Variants in NGEF observed in about 807,000 individuals in gnomAD.
The protein encoded by NGEF is ephexin-1.
In NGEF, 31 loss-of-function variants were observed where a neutral mutation model predicts 80.9. The ratio of observed to expected loss-of-function variants is 0.38; its 90% CI spans 0.29 to 0.52. The LOEUF is 0.52. Among genes scored for constraint, NGEF ranks in the 20% least tolerant of loss-of-function variants. NGEF has a pLI of 0.84. For synonymous variants in NGEF, 371 were observed against 370.2 expected (o/e 1.00, Z -0.03); for missense variants, 709 against 926.2 (o/e 0.77, Z 3.04).
At position 232,884,005 on chromosome 2, in the gene NGEF, A is replaced by G; in HGVS notation, c.1577T>C (p.Leu526Pro). 1 of 1,611,184 alleles carries G rather than the reference A, an allele frequency of 6.2e-7. No homozygotes were observed. The highest frequency in any genetic ancestry group is 8.5e-7 in the Non-Finnish European group (1 of 1,178,964). ...CCCTGGAATCTGCCGGCAGATCACCAGCAGGTCGTTGAACAGGAAGAGGTA... is the reference window on the plus strand; with the variant it reads ...CCCTGGAATCTGCCGGCAGATCACCGGCAGGTCGTTGAACAGGAAGAGGTA... ...EIYLFLFNDL[L>P]VICRQIPGDK... Residue 526 changes from leucine to proline, a missense_variant, in exon 11 of 15, where the codon CTG becomes CCG. Around this residue, in one of 2 missense-constraint regions of NGEF, gnomAD observed 426 missense variants for 622.9 expected, o/e 0.68. Coordinates refer to ENST00000264051, the MANE Select transcript of NGEF (RefSeq NM_019850.3).
chr2:232,926,630 C>T (rs1002114887), intron 4 of NGEF, among the ~76,000 whole-genome samples: 1 of 152,164 alleles, frequency 6.6e-6, no homozygotes, highest in Non-Finnish European at 1.5e-5. Flanking sequence ...CACGCCTCCT[C>T]CTCTAGCCCA....
chr2:232,967,445 G>A (rs181575656), intron 3 of NGEF, among the ~76,000 whole-genome samples: 5 of 152,004 alleles, frequency 3.3e-5, no homozygotes, highest in East Asian at 1.9e-4. Context: ...AGCAATTCTC[G>A]TGCCTCAGCC....
chr2:232,916,063 G>A (rs1559207276), intron 5 of NGEF, among the ~76,000 whole-genome samples: 1 of 152,092 alleles, frequency 6.6e-6, no homozygotes, highest in Non-Finnish European at 1.5e-5. Flanking sequence ...TGTACCTCTT[G>A]GGAACAGCCT....
intron 5 of NGEF, among the ~76,000 whole-genome samples, chr2:232,900,977 C>T (rs1354952640): frequency 6.6e-6 from 1 of 152,196 alleles, no homozygotes; most frequent in African/African-American, 2.4e-5. Context: ...GGAGTTAGGG[C>T]CGCCTACACC....
intron 3 of NGEF, among the ~76,000 whole-genome samples, chr2:232,929,581 G>A (rs768988483): frequency 5.9e-5 from 9 of 152,204 alleles, no homozygotes; most frequent in African/African-American, 1.4e-4. Context: ...TAAGGCCTGA[G>A]AATATTCGAG....
At chr2:232,902,123 C>T (rs534862592) in intron 5 of NGEF, among the ~76,000 whole-genome samples, 12 of 152,340 alleles carry the variant, frequency 7.9e-5, no homozygotes, top group African/African-American at 2.4e-4. Flanking sequence ...TTGCTGCAGC[C>T]GCCCTGGGGT....
Position 232,920,225 on chromosome 2 carries a change from A to T in NGEF, c.828+59T>A. ...ACCCCCCAGAGGAAGCCTCACCCCC[A>T]GCAGTGAGGGCCACCCCGGTGTGCT... is the stretch of plus-strand genomic sequence containing the variant. On this transcript the variant is annotated intron_variant, in intron 5 of 14. Transcript: ENST00000264051. 4 of 1,532,064 alleles carry T rather than the reference A, an allele frequency of 2.6e-6. No individual in the cohort carries two copies. The South Asian group carries it at 4.9e-5, about 19-fold the overall frequency. The allele number at this position is 1,532,064 out of a possible 1,614,324, so 94.9% of individuals were successfully genotyped here. A position where few individuals can be genotyped will look rare whatever the true frequency, so the allele number is the denominator to read the frequency against.
At chr2:232,933,301 A>G (rs894645602) in intron 3 of NGEF, among the ~76,000 whole-genome samples, 2 of 151,848 alleles carry the variant, frequency 1.3e-5, no homozygotes, top group Non-Finnish European at 2.9e-5. Flanking sequence ...ATTCAGCATA[A>G]CTGACAGTGC....
Position 232,927,090 on chromosome 2 carries a change from G to C in NGEF, c.480C>G (p.Ile160Met), listed in dbSNP as rs200707014. The change falls in exon 4 of 15, where the codon ATC (isoleucine) becomes ATG (methionine). Residue 160 changes from isoleucine to methionine, a missense_variant. Physicochemically the swap from Ile to Met is conservative, Grantham distance 10 (BLOSUM62 1). Around this residue, in one of 2 missense-constraint regions of NGEF, gnomAD observed 283 missense variants for 303.4 expected, o/e 0.93. Coordinates refer to ENST00000264051, the MANE Select transcript of NGEF (RefSeq NM_019850.3). ...PTTLTEALRM[I>M]HPIPADSWRN... ...TCCAGGAGTCGGCGGGAATGGGGTG[G>C]ATCATCCGCAGGGCCTCGGTGAGCG... 4 of 1,613,916 alleles carry C rather than the reference G, an allele frequency of 2.5e-6. No individual in the cohort carries two copies. Among genetic ancestry groups the C allele is most frequent in the Non-Finnish European group, 3.4e-6 (4 of 1,179,992 alleles).
intron 5 of NGEF, among the ~76,000 whole-genome samples, chr2:232,908,930 T>TA (rs1692635653): frequency 6.6e-6 from 1 of 152,224 alleles, no homozygotes; most frequent in African/African-American, 2.4e-5. Context: ...ATGTTTATCT[T>TA]ACAACCAGCC....
intron 3 of NGEF, among the ~76,000 whole-genome samples, chr2:232,936,633 C>T (rs943452212): frequency 2.0e-5 from 3 of 152,148 alleles, no homozygotes; most frequent in Non-Finnish European, 4.4e-5. Context: ...GTTGATGGTG[C>T]GCCACGCATG....
intron 3 of NGEF, among the ~76,000 whole-genome samples, chr2:232,966,128 C>T (rs556260949): frequency 1.3e-5 from 2 of 152,272 alleles, no homozygotes; most frequent in Admixed American, 1.3e-4. Flanking sequence ...AGGTGCAGAC[C>T]CTGCCACAGC....
At chr2:232,898,909 TGTG>T (rs1415628312) in intron 5 of NGEF, among the ~76,000 whole-genome samples, 1 of 152,040 alleles carries the variant, frequency 6.6e-6, no homozygotes, top group Non-Finnish European at 1.5e-5. Context: ...TGTGGGAAAT[TGTG>T]GGTGAATGTG....
chr2:232,879,754 AG>A, intron 14 of NGEF, 75 bp from the exon 15 acceptor site: 1 of 1,442,128 alleles, frequency 6.9e-7, no homozygotes, highest in Non-Finnish European at 9.5e-7. Context: ...CCTCCTGGCC[AG>A]GGCCCCCATC....
chr2:232,951,659 A>T (rs534591772), intron 3 of NGEF, among the ~76,000 whole-genome samples: 2 of 152,160 alleles, frequency 1.3e-5, no homozygotes, highest in South Asian at 4.1e-4. Flanking sequence ...GCTTGGCTGC[A>T]CCTAGGAACC....
At chr2:232,898,640 C>A (rs1287355242) in intron 5 of NGEF, among the ~76,000 whole-genome samples, 5 of 152,218 alleles carry the variant, frequency 3.3e-5, no homozygotes, top group Non-Finnish European at 7.3e-5. Flanking sequence ...GACGAGGGAT[C>A]CAGGCTCTGC....
chr2:232,913,038 C>G (rs551552070), intron 5 of NGEF, among the ~76,000 whole-genome samples: 33 of 152,130 alleles, frequency 2.2e-4, no homozygotes, highest in Non-Finnish European at 4.3e-4. Flanking sequence ...TTTCCTTCCA[C>G]TTGCTTTGGT....
At chr2:232,901,406 G>GC (rs1692352102) in intron 5 of NGEF, 1 of 985,352 alleles carries the variant, frequency 1.0e-6, no homozygotes, top group African/African-American at 1.7e-5. Context: ...GGACCTCTGG[G>GC]CCGTGCATTC....
chr2:232,904,056 C>G (rs1185182346), intron 5 of NGEF, among the ~76,000 whole-genome samples: 1 of 152,158 alleles, frequency 6.6e-6, no homozygotes, highest in Non-Finnish European at 1.5e-5. Flanking sequence ...CCAGCATCTA[C>G]CGAAAGAAAA....
Sources: allele counts gnomAD v4.1 joint callset (sites outside exome capture counted in the v4.1 genomes callset), GRCh38; gene constraint gnomAD v4.1.1; regional missense constraint gnomAD v4.1.1; transcripts MANE v1.5; gene names NCBI Gene and HGNC (gene_info 2026-07-23, HGNC 2026-07-21).